The following CLTC variants were observed in gnomAD, a reference collection of about 807,000 sequenced individuals.
CLTC encodes the protein clathrin heavy chain 1.
CLTC carries 16 observed loss-of-function variants against 195.8 expected under a neutral mutation model. The observed-to-expected ratio is 0.08, with a 90% CI of 0.06 to 0.12. The LOEUF is 0.12. Ranked by LOEUF, CLTC falls within the 10% of genes least tolerant of loss-of-function variation. The pLI is 1.00. For missense variants in CLTC, 796 were observed against 2,027.0 expected (o/e 0.39, Z 11.66); for synonymous variants, 667 against 689.4 (o/e 0.97, Z 0.51).
chr17:59,685,902 GAAGT>G lies in CLTC; in HGVS notation c.4827+99_4827+102del, dbSNP rs951454180. The G allele has an allele frequency of 8.2e-6, 8 of 977,248 alleles. No homozygotes were observed. The highest frequency in any genetic ancestry group is 3.3e-5 in the African/African-American group (2 of 60,356). 60.5% of individuals were successfully genotyped at this position (977,248 alleles called of 1,614,324 possible). Reference sequence around the variant, plus strand: ...TTTTTAAATGCTTTTTTCTTTAGTAGAAGTAAGTCATTTAGTCGATCATAAAATA... The same window carrying G: ...TTTTTAAATGCTTTTTTCTTTAGTAGAAGTCATTTAGTCGATCATAAAATA... On this transcript the variant is annotated intron_variant, in intron 30 of 31. Coordinates refer to ENST00000269122, the MANE Select transcript of CLTC (RefSeq NM_004859.4). This position sits in a 1 kb window ranked among gnomAD's most constrained non-coding sequence, Gnocchi z 5.0.
chr17:59,664,021 C>T (rs1391891313), intron 9 of CLTC, 27 bp downstream of exon 9: 1 of 1,591,364 alleles, frequency 6.3e-7, no homozygotes, highest in East Asian at 2.2e-5. Flanking sequence ...ACATTCTCAG[C>T]ATGAATTCAT....
intron 14 of CLTC, among the ~76,000 whole-genome samples, chr17:59,672,655 A>G (rs548495248): frequency 3.9e-5 from 6 of 152,302 alleles, no homozygotes; most frequent in Non-Finnish European, 8.8e-5. Flanking sequence ...GGATGGCTAT[A>G]TTAAAATTAA....
intron 30 of CLTC, chr17:59,689,362 G>C (rs902824308): frequency 6.6e-6 from 1 of 152,120 alleles, no homozygotes; most frequent in Non-Finnish European, 1.5e-5. Context: ...AAACAGAAAT[G>C]AGGTGCTGCC....
intron 2 of CLTC, 124 bp from the exon 3 acceptor site, chr17:59,647,274 G>GTTGC: frequency 1.4e-6 from 1 of 712,526 alleles, no homozygotes; most frequent in Non-Finnish European, 2.3e-6. Flanking sequence ...GGTTGCTGCT[G>GTTGC]TATCGATGCA....
chr17:59,673,500 T>C (rs1216614614), intron 14 of CLTC, 147 bp from the exon 15 acceptor site: 3 of 600,120 alleles, frequency 5.0e-6, no homozygotes, highest in African/African-American at 1.9e-5. Context: ...ATGTACACAC[T>C]CAACTATTGG....
intron 1 of CLTC, among the ~76,000 whole-genome samples, chr17:59,625,175 C>T: frequency 6.6e-6 from 1 of 151,378 alleles, no homozygotes; most frequent in East Asian, 1.9e-4. Context: ...AATGGTGGAT[C>T]TCGGCTCATT....
intron 30 of CLTC, chr17:59,687,291 A>C (rs575272896): frequency 6.6e-6 from 1 of 152,240 alleles, no homozygotes; most frequent in Non-Finnish European, 1.5e-5. Flanking sequence ...ATTATGAAAA[A>C]CTGAGTATGG....
intron 1 of CLTC, among the ~76,000 whole-genome samples, chr17:59,632,418 T>G (rs1397938470): frequency 6.7e-6 from 1 of 149,716 alleles, no homozygotes; most frequent in Non-Finnish European, 1.5e-5. Context: ...GAATGGAAGC[T>G]CTTTTCAATG....
In CLTC at chr17:59,683,431, G is replaced by A; in HGVS notation, c.4086G>A (p.Val1362=). The change falls in exon 26 of 32, where the codon GTG becomes GTA. Residue 1362 remains valine, a synonymous_variant. Transcript: ENST00000269122. This position sits in a 1 kb window ranked among gnomAD's most constrained non-coding sequence, Gnocchi z 6.1. The part of the protein sequence containing the change: ...AEQAHLWAEL[V]FLYDKYEEYD... ...AAGCTCATCTTTGGGCAGAACTGGT[G>A]TTTTTGTATGACAAGTATGAAGAAT... The A allele has an allele frequency of 6.2e-7, 1 of 1,613,938 alleles. No homozygotes were observed. The highest frequency in any genetic ancestry group is 2.2e-5 in the East Asian group (1 of 44,866).
intron 5 of CLTC, among the ~76,000 whole-genome samples, chr17:59,653,766 G>T (rs1260557867): frequency 6.6e-6 from 1 of 151,392 alleles, no homozygotes; most frequent in Admixed American, 6.6e-5. Context: ...TCACTGTGTT[G>T]CCCTGGCTGG....
Position 59,685,947 on chromosome 17 carries a change from A to C in CLTC, c.4827+139A>C, listed in dbSNP as rs2033174485. 1.5e-6 allele frequency: 1 copy of C among 671,320 alleles called. No individual in the cohort carries two copies. The highest frequency in any genetic ancestry group is 2.4e-6 in the Non-Finnish European group (1 of 423,610). 41.6% of individuals were successfully genotyped at this position (671,320 alleles called of 1,614,324 possible). A position where few individuals can be genotyped will look rare whatever the true frequency, so the allele number is the denominator to read the frequency against. On this transcript the variant is annotated intron_variant, in intron 30 of 31. Transcript: ENST00000269122. This position sits in a 1 kb window ranked among gnomAD's most constrained non-coding sequence, Gnocchi z 5.0. ...TCATAAAATATTCCTGTTCTTTTGAAATTTTTTTTTAATAGCTGACAAATG... is the reference window on the plus strand; with the variant it reads ...TCATAAAATATTCCTGTTCTTTTGACATTTTTTTTTAATAGCTGACAAATG...
chr17:59,661,548 G>A lies in CLTC; in HGVS notation c.1273G>A (p.Gly425Arg), dbSNP rs753730082. 6.2e-7 allele frequency: 1 copy of A among 1,614,068 alleles called. No individual in the cohort carries two copies. ...LQYFGILLDQ[G>R]QLNKYESLEL... ...GTACTTTGGTATCCTTTTGGACCAGGGACAGCTCAACAAATACGAATCCTT... is the reference window on the plus strand; with the variant it reads ...GTACTTTGGTATCCTTTTGGACCAGAGACAGCTCAACAAATACGAATCCTT... The change falls in exon 8 of 32, where the codon GGA becomes AGA. Residue 425 changes from glycine (G) to arginine (R), a missense_variant. Physicochemically the swap from Gly to Arg is moderately radical, Grantham distance 125 (BLOSUM62 -2). Transcript: ENST00000269122.
At chr17:59,691,454 G>A (rs1197779081) in intron 31 of CLTC, among the ~76,000 whole-genome samples, 2 of 151,694 alleles carry the variant, frequency 1.3e-5, no homozygotes, top group Admixed American at 6.6e-5. Context: ...GAATCGCCGT[G>A]TCTACTAAAA....
rs1452365819 is a variant in CLTC, at chr17:59,666,067, A to G, written c.1645-36A>G. 11 of 1,519,402 alleles carry G rather than the reference A, an allele frequency of 7.2e-6. No homozygotes were observed. Among genetic ancestry groups the G allele is most frequent in the Non-Finnish European group, 9.1e-6 (10 of 1,098,812 alleles). The allele number at this position is 1,519,402 out of a possible 1,614,324, so 94.1% of individuals were successfully genotyped here. The stretch of plus-strand genomic sequence containing the variant: ...ATTTTGTCTACATACTCTCCATAGT[A>G]TCTTAAAACAATTTCTTTTAAATCT... On this transcript the variant is annotated intron_variant, in intron 10 of 31. Coordinates refer to ENST00000269122, the MANE Select transcript of CLTC (RefSeq NM_004859.4). The surrounding 1 kb of genome is among the most constrained non-coding windows in gnomAD (Gnocchi z 4.9).
intron 14 of CLTC, 74 bp from the exon 15 acceptor site, chr17:59,673,573 A>T: frequency 8.5e-7 from 1 of 1,177,866 alleles, no homozygotes; most frequent in South Asian, 1.4e-5. Flanking sequence ...CGTAGAACAA[A>T]TTCTCATATG....
At chr17:59,686,905 G>A in intron 30 of CLTC, 1 of 715,624 alleles carries the variant, frequency 1.4e-6, no homozygotes, top group African/African-American at 1.9e-5. Flanking sequence ...GTGGTTAGAT[G>A]TTTCTTCCCT....
At chr17:59,651,081 C>A in intron 4 of CLTC, 122 bp from the exon 5 acceptor site, 1 of 636,974 alleles carries the variant, frequency 1.6e-6, no homozygotes, top group Non-Finnish European at 2.8e-6. Context: ...GTAACCAAAA[C>A]CATTTAACAT....
Position 59,685,040 on chromosome 17 carries a change from G to C in CLTC, c.4435-16G>C. 1 of 1,467,322 alleles carries C rather than the reference G, an allele frequency of 6.8e-7. No homozygotes were observed. Among genetic ancestry groups the C allele is most frequent in the Non-Finnish European group, 9.2e-7 (1 of 1,088,776 alleles). 90.9% of individuals were successfully genotyped at this position (1,467,322 alleles called of 1,614,324 possible). On this transcript the variant is annotated splice_polypyrimidine_tract_variant and intron_variant, in intron 28 of 31. Transcript: ENST00000269122. The surrounding 1 kb of genome is among the most constrained non-coding windows in gnomAD (Gnocchi z 5.0). Reference sequence around the variant, plus strand: ...AAAATACTGATCTGGCATTTGGATGGCTTTTTTTTTTTAAGGCTCTGCGAA... The same window carrying C: ...AAAATACTGATCTGGCATTTGGATGCCTTTTTTTTTTTAAGGCTCTGCGAA...
chr17:59,630,492 G>A (rs146367694), intron 1 of CLTC, among the ~76,000 whole-genome samples: 3 of 152,072 alleles, frequency 2.0e-5, no homozygotes, highest in Non-Finnish European at 2.9e-5. Flanking sequence ...TCACAGTGTC[G>A]TGCAGCCAAC....
Sources: gnomAD v4.1 joint callset for allele counts (sites outside exome capture counted in the v4.1 genomes callset) on GRCh38, gnomAD v4.1.1 for gene constraint, Gnocchi (gnomAD v3.1) non-coding constraint, MANE v1.5 for transcripts, NCBI Gene and HGNC (gene_info 2026-07-23, HGNC 2026-07-21) for gene names.